Variants in SACM1L observed in about 807,000 individuals in gnomAD.
The protein encoded by SACM1L is phosphatidylinositol-3-phosphatase SAC1.
SACM1L carries 32 observed loss-of-function variants against 89.5 expected under a neutral mutation model. The observed-to-expected ratio is 0.36, with a 90% CI of 0.27 to 0.48. The LOEUF is 0.48. Among genes scored for constraint, SACM1L ranks in the 20% least tolerant of loss-of-function variants. The probability of loss-of-function intolerance (pLI) is 0.99; values close to 1 mark genes in which losing one functional copy is unlikely to be tolerated. For synonymous variants in SACM1L, 213 were observed against 232.8 expected (o/e 0.92, Z 0.77); for missense variants, 543 against 708.5 (o/e 0.77, Z 2.65).
At chr3:45,711,313 A>T (rs541451266) in intron 5 of SACM1L, among the ~76,000 whole-genome samples, 1 of 151,986 alleles carries the variant, frequency 6.6e-6, no homozygotes, top group Non-Finnish European at 1.5e-5. Flanking sequence ...TTGGGATGAG[A>T]TGGGAATGTT....
At position 45,735,373 on chromosome 3, in the gene SACM1L, G is replaced by T; in HGVS notation, c.1239G>T (p.Gln413His). 6.7e-7 allele frequency: 1 copy of T among 1,500,568 alleles called. No individual in the cohort carries two copies. Among genetic ancestry groups the T allele is most frequent in the Non-Finnish European group, 8.9e-7 (1 of 1,125,038 alleles). The allele number at this position is 1,500,568 out of a possible 1,614,324, so 93.0% of individuals were successfully genotyped here. A position where few individuals can be genotyped will look rare whatever the true frequency, so the allele number is the denominator to read the frequency against. Residue 413 changes from glutamine to histidine, a missense_variant and splice_region_variant, in exon 14 of 20, where the codon CAG (glutamine) becomes CAT (histidine). Physicochemically the swap from Gln to His is conservative, Grantham distance 24. This residue lies in a region of SACM1L where 370 missense variants were observed against 527.6 expected (regional missense o/e 0.70). Transcript: ENST00000389061. ...LARRSLQAQL[Q>H]RLGVLHVGQK... Reference sequence around the variant, plus strand: ...GTCGTTCACTTCAGGCCCAACTTCAGGTGCGAATGCTTTTTTTTTTTTTAA... The same window carrying T: ...GTCGTTCACTTCAGGCCCAACTTCATGTGCGAATGCTTTTTTTTTTTTTAA...
At chr3:45,705,344 A>G (rs1969626) in intron 3 of SACM1L, 135 bp downstream of exon 3, 222,374 of 451,402 alleles carry the variant, frequency 0.49, 57,097 homozygotes, top group Non-Finnish European at 0.53. Context: ...TTAAGTATTT[A>G]TCATTAATTT....
intron 13 of SACM1L, among the ~76,000 whole-genome samples, chr3:45,734,230 T>C (rs1699144291): frequency 6.7e-6 from 1 of 148,362 alleles, no homozygotes; most frequent in Admixed American, 6.9e-5. Context: ...TTGGCCAACA[T>C]GTCAAAACCC....
intron 1 of SACM1L, among the ~76,000 whole-genome samples, chr3:45,692,244 C>T (rs2125678578): frequency 6.6e-6 from 1 of 152,068 alleles, no homozygotes; most frequent in Middle Eastern, 3.5e-3. Flanking sequence ...CTTAATCCTT[C>T]TGAATTGGTG....
intron 4 of SACM1L, among the ~76,000 whole-genome samples, chr3:45,708,629 T>G (rs574934569): frequency 6.6e-6 from 1 of 152,186 alleles, no homozygotes; most frequent in South Asian, 2.1e-4. Context: ...ACTAGGCATA[T>G]TTTAAAGAAA....
At chr3:45,738,386 G>A (rs1198439435) in intron 16 of SACM1L, among the ~76,000 whole-genome samples, 192 bp from the exon 17 acceptor site, 2 of 152,082 alleles carry the variant, frequency 1.3e-5, no homozygotes, top group Non-Finnish European at 2.9e-5. Context: ...GCCTCCTTTG[G>A]TAATATTTTA....
intron 1 of SACM1L, among the ~76,000 whole-genome samples, chr3:45,694,751 C>T (rs1411416532): frequency 1.3e-5 from 2 of 152,118 alleles, no homozygotes; most frequent in Non-Finnish European, 2.9e-5. Context: ...TATTTTAGGG[C>T]TGGGCATACA....
intron 10 of SACM1L, 115 bp from the exon 11 acceptor site, chr3:45,723,360 T>G (rs539619452): frequency 9.0e-5 from 33 of 366,674 alleles, no homozygotes; most frequent in Admixed American, 7.2e-4. Flanking sequence ...ATCTTTCTTT[T>G]GAATATAGAA....
Position 45,711,999 on chromosome 3 carries a change from A to AGT in SACM1L, c.484-1133_484-1132dup, listed in dbSNP as rs1413171621. On this transcript the variant is annotated intron_variant, in intron 5 of 19. Coordinates refer to ENST00000389061, the MANE Select transcript of SACM1L (RefSeq NM_014016.5). ...AATCATTTAACTTTATAGAAACAGC[A>AGT]GTGTGTTTTTCATCTTATTTCATTG... Among the ~76,000 whole-genome samples, 5 of 152,360 alleles carry AGT rather than the reference A, an allele frequency of 3.3e-5. No individual in the cohort carries two copies. The South Asian group carries it at 6.2e-4, about 19-fold the overall frequency.
intron 4 of SACM1L, chr3:45,707,156 A>T (rs1023511269): frequency 6.5e-6 from 2 of 308,032 alleles, no homozygotes; most frequent in African/African-American, 4.4e-5. Flanking sequence ...AGAAGGGAAA[A>T]CAGAAATGCA....
intron 1 of SACM1L, among the ~76,000 whole-genome samples, chr3:45,698,855 C>G (rs1314002437): frequency 6.6e-6 from 1 of 152,158 alleles, no homozygotes; most frequent in Non-Finnish European, 1.5e-5. Flanking sequence ...CAACCTCCAC[C>G]TCCTGGGTTC....
At chr3:45,725,043 G>A (rs1281871618) in intron 11 of SACM1L, among the ~76,000 whole-genome samples, 2 of 152,100 alleles carry the variant, frequency 1.3e-5, no homozygotes, top group Non-Finnish European at 2.9e-5. Context: ...ATTGGTCTCC[G>A]TGTCTGTCCT....
chr3:45,735,405 A>C, intron 14 of SACM1L, 32 bp downstream of exon 14: 1 of 1,496,968 alleles, frequency 6.7e-7, no homozygotes, highest in Non-Finnish European at 8.9e-7. Context: ...TTAATTGAAA[A>C]ACAACACAGC....
intron 1 of SACM1L, among the ~76,000 whole-genome samples, chr3:45,692,205 A>G (rs921604686): frequency 2.0e-5 from 3 of 152,116 alleles, no homozygotes; most frequent in Non-Finnish European, 4.4e-5. Context: ...TCTTAACTTG[A>G]CTACTTGTTT....
chr3:45,700,660 T>C (rs1271658744), intron 1 of SACM1L, among the ~76,000 whole-genome samples: 5 of 152,180 alleles, frequency 3.3e-5, no homozygotes, highest in Non-Finnish European at 7.4e-5. Flanking sequence ...TTTATTTTAT[T>C]TTACTTTAAT....
chr3:45,737,340 G>A, intron 14 of SACM1L: 1 of 530,916 alleles, frequency 1.9e-6, no homozygotes, highest in South Asian at 2.5e-5. Context: ...GTATAGTCCT[G>A]CTGCTATCCC....
Position 45,722,893 on chromosome 3 carries a change from T to A in SACM1L, c.790T>A (p.Trp264Arg). Residue 264 changes from tryptophan to arginine, a missense_variant, in exon 10 of 20, where the codon TGG (tryptophan) becomes AGG (arginine). Around this residue, in one of 2 missense-constraint regions of SACM1L, gnomAD observed 370 missense variants for 527.6 expected, o/e 0.70. Transcript: ENST00000389061. ...VQTRGSIPVF[W>R]SQRPNLKYKP... ...GACTCGAGGATCAATACCTGTTTTC[T>A]GGTCCCAAAGACCAAACCTCAAGTA... 1 of 1,613,672 alleles carries A rather than the reference T, an allele frequency of 6.2e-7. No individual in the cohort carries two copies. Among genetic ancestry groups the A allele is most frequent in the Non-Finnish European group, 8.5e-7 (1 of 1,179,640 alleles).
chr3:45,691,437 A>T (rs952053436), intron 1 of SACM1L, among the ~76,000 whole-genome samples: 15 of 152,154 alleles, frequency 9.9e-5, no homozygotes, highest in Non-Finnish European at 2.2e-4. Context: ...ATGCATTTAG[A>T]AGTGAAATTG....
intron 18 of SACM1L, 125 bp from the exon 19 acceptor site, chr3:45,739,462 G>A: frequency 1.2e-6 from 1 of 835,846 alleles, no homozygotes. Context: ...GTTGACAAAA[G>A]ATATTAGCTG....
Sources: allele counts gnomAD v4.1 joint callset (sites outside exome capture counted in the v4.1 genomes callset), GRCh38; gene constraint gnomAD v4.1.1; regional missense constraint gnomAD v4.1.1; transcripts MANE v1.5; gene names NCBI Gene and HGNC (gene_info 2026-07-23, HGNC 2026-07-21).